Variants in C11orf97 observed in about 807,000 individuals in gnomAD.
The protein encoded by C11orf97 is uncharacterized protein C11orf97.
In C11orf97, 15 loss-of-function variants were observed where a neutral mutation model predicts 16.2. The observed-to-expected ratio is 0.93, with a 90% CI of 0.62 to 1.43. The LOEUF (loss-of-function observed/expected upper bound fraction) is 1.43. Among genes scored for constraint, C11orf97 ranks in the 40% most tolerant of loss-of-function variants. The pLI is 0.00. For synonymous variants in C11orf97, 61 were observed against 65.7 expected (o/e 0.93, Z 0.34); for missense variants, 171 against 161.2 (o/e 1.06, Z -0.33).
chr11:94,526,565 A>G (rs1565254374), intron 2 of C11orf97, among the ~76,000 whole-genome samples: 1 of 152,164 alleles, frequency 6.6e-6, no homozygotes, highest in Non-Finnish European at 1.5e-5. Flanking sequence ...CAAAGTGTCA[A>G]CCACAAGTTC....
intron 2 of C11orf97, among the ~76,000 whole-genome samples, chr11:94,526,442 G>A (rs574541632): frequency 7.9e-5 from 12 of 152,234 alleles, no homozygotes; most frequent in African/African-American, 2.6e-4. Context: ...TCTTGTGATT[G>A]CATCTGAAAG....
chr11:94,512,651 C>T lies in C11orf97; in HGVS notation c.123C>T (p.Gly41=). ...GCGARGEPGR[G]PLEHGQQWKK... ...GGGCGCGCGGGGAACCCGGCCGCGG[C>T]CCCCTAGAGCACGGCCAGCAGTGTG... Residue 41 remains glycine, a synonymous_variant, in exon 1 of 4, where the codon GGC becomes GGT. Transcript: ENST00000542198. The T allele has an allele frequency of 1.6e-6, 2 of 1,247,376 alleles. No homozygotes were observed. Among genetic ancestry groups the T allele is most frequent in the South Asian group, 6.5e-5 (2 of 30,704 alleles). 77.3% of individuals were successfully genotyped at this position (1,247,376 alleles called of 1,614,324 possible).
intron 2 of C11orf97, among the ~76,000 whole-genome samples, chr11:94,519,360 A>T (rs940540884): frequency 1.3e-5 from 2 of 152,242 alleles, no homozygotes; most frequent in African/African-American, 4.8e-5. Flanking sequence ...TAATGAATGG[A>T]TGCAGAATGA....
At chr11:94,515,871 G>T (rs1204286705) in intron 1 of C11orf97, among the ~76,000 whole-genome samples, 1 of 152,052 alleles carries the variant, frequency 6.6e-6, no homozygotes, top group Non-Finnish European at 1.5e-5. Context: ...CCTAGCACCA[G>T]GGCTGAAATT....
At chr11:94,524,089 G>A (rs1947680327) in intron 2 of C11orf97, among the ~76,000 whole-genome samples, 1 of 152,048 alleles carries the variant, frequency 6.6e-6, no homozygotes, top group Admixed American at 6.5e-5. Flanking sequence ...TGATGTTGAT[G>A]TTGGGAATTA....
chr11:94,522,579 G>C (rs547562085), intron 2 of C11orf97, among the ~76,000 whole-genome samples: 1 of 152,104 alleles, frequency 6.6e-6, no homozygotes, highest in South Asian at 2.1e-4. Flanking sequence ...ACCTCTCCCC[G>C]ACTTGCTGCT....
intron 2 of C11orf97, among the ~76,000 whole-genome samples, chr11:94,518,542 C>T (rs1947632028): frequency 6.6e-6 from 1 of 152,178 alleles, no homozygotes; most frequent in Non-Finnish European, 1.5e-5. Context: ...CCAAGGATTT[C>T]ATCCCGTAGA....
At chr11:94,521,326 T>G (rs1331904874) in intron 2 of C11orf97, among the ~76,000 whole-genome samples, 1 of 152,266 alleles carries the variant, frequency 6.6e-6, no homozygotes, top group Non-Finnish European at 1.5e-5. Flanking sequence ...GTAGGAACCC[T>G]ACTTCAAATT....
chr11:94,517,086 T>C (rs745939272), intron 1 of C11orf97, among the ~76,000 whole-genome samples: 1 of 152,240 alleles, frequency 6.6e-6, no homozygotes, highest in African/African-American at 2.4e-5. Context: ...AAAAGTGCTA[T>C]GTCCATAAGT....
chr11:94,517,857 A>G (rs1947623810), intron 2 of C11orf97, among the ~76,000 whole-genome samples, 170 bp downstream of exon 2: 1 of 27,422 alleles, frequency 3.6e-5, no homozygotes, highest in Non-Finnish European at 8.2e-5. Flanking sequence ...TCATGTCTAG[A>G]AAAAAAAATG....
chr11:94,515,706 T>G (rs964926815), intron 1 of C11orf97, among the ~76,000 whole-genome samples: 1 of 151,768 alleles, frequency 6.6e-6, no homozygotes, highest in Non-Finnish European at 1.5e-5. Context: ...CTGGCCAAGT[T>G]TGTGAAACCT....
chr11:94,519,527 A>G (rs1947639940), intron 2 of C11orf97, among the ~76,000 whole-genome samples: 4 of 152,240 alleles, frequency 2.6e-5, no homozygotes, highest in Admixed American at 2.6e-4. Flanking sequence ...ATGTTGTATT[A>G]TTCTTATTGG....
At position 94,517,654 on chromosome 11, in the gene C11orf97, A is replaced by G; in HGVS notation, c.217A>G (p.Arg73Gly). Residue 73 changes from arginine to glycine, a missense_variant, in exon 2 of 4, where the codon AGA (arginine) becomes GGA (glycine). Coordinates refer to ENST00000542198, the MANE Select transcript of C11orf97 (RefSeq NM_001190462.2). ...ACTGGAAGAAGAACGTCATATTAAGAGAGATGAATGCCACATTAAAAATCC... is the reference window on the plus strand; with the variant it reads ...ACTGGAAGAAGAACGTCATATTAAGGGAGATGAATGCCACATTAAAAATCC... ...EVLEEERHIKRDECHIKNPAA... is the reference protein window; with the variant it reads ...EVLEEERHIKGDECHIKNPAA... 6.5e-7 allele frequency: 1 copy of G among 1,531,382 alleles called. No individual in the cohort carries two copies. Among genetic ancestry groups the G allele is most frequent in the South Asian group, 1.2e-5 (1 of 82,548 alleles). 94.9% of individuals were successfully genotyped at this position (1,531,382 alleles called of 1,614,324 possible). A position where few individuals can be genotyped will look rare whatever the true frequency, so the allele number is the denominator to read the frequency against.
rs942415560 is a variant in C11orf97, at chr11:94,523,091, CA to C, written c.251-4987del. On this transcript the variant is annotated intron_variant, in intron 2 of 3. Transcript: ENST00000542198. ...GGTTTTTTCTTCTCATCGTGAAATACAAAAAATTGTTTCTCTTGTATGATGC... is the reference window on the plus strand; with the variant it reads ...GGTTTTTTCTTCTCATCGTGAAATACAAAAATTGTTTCTCTTGTATGATGC... 3.3e-5 allele frequency among the ~76,000 whole-genome samples: 5 copies of C among 152,062 alleles called. No individual in the cohort carries two copies. In the South Asian group the frequency reaches 8.3e-4, roughly 25 times the overall value.
chr11:94,528,024 C>A, intron 2 of C11orf97, 60 bp from the exon 3 acceptor site: 3 of 1,428,956 alleles, frequency 2.1e-6, no homozygotes, highest in South Asian at 2.9e-5. Flanking sequence ...ACTTTAAAAA[C>A]TCTGTGCTAA....
chr11:94,524,336 G>A (rs1947682436), intron 2 of C11orf97, among the ~76,000 whole-genome samples: 2 of 152,196 alleles, frequency 1.3e-5, no homozygotes, highest in Admixed American at 1.3e-4. Flanking sequence ...ATTAGCCATT[G>A]GGTTCTTCTA....
chr11:94,526,541 G>A (rs1339296640), intron 2 of C11orf97, among the ~76,000 whole-genome samples: 2 of 151,996 alleles, frequency 1.3e-5, no homozygotes, highest in Non-Finnish European at 2.9e-5. Flanking sequence ...TGCTTTCCAC[G>A]TACTGGATCT....
intron 1 of C11orf97, among the ~76,000 whole-genome samples, chr11:94,513,441 G>A (rs1947584771): frequency 6.6e-6 from 1 of 152,238 alleles, no homozygotes; most frequent in Admixed American, 6.5e-5. Context: ...GAATGATGGT[G>A]AGAAGAATAA....
rs1947579115 is a variant in C11orf97, at chr11:94,512,687, C to T, written c.145+14C>T. On this transcript the variant is annotated intron_variant, in intron 1 of 3. Coordinates refer to ENST00000542198, the MANE Select transcript of C11orf97 (RefSeq NM_001190462.2). ...ACGGCCAGCAGTGTGAGTTCAGCTCCAGCCGCGGACGCTACTGGGAGGAGG... is the reference window on the plus strand; with the variant it reads ...ACGGCCAGCAGTGTGAGTTCAGCTCTAGCCGCGGACGCTACTGGGAGGAGG... The T allele has an allele frequency of 3.2e-6, 4 of 1,236,576 alleles. No individual in the cohort carries two copies. Among genetic ancestry groups the T allele is most frequent in the Non-Finnish European group, 4.0e-6 (4 of 989,944 alleles). 76.6% of individuals were successfully genotyped at this position (1,236,576 alleles called of 1,614,324 possible).
Sources: allele counts gnomAD v4.1 joint callset (sites outside exome capture counted in the v4.1 genomes callset), GRCh38; gene constraint gnomAD v4.1.1; transcripts MANE v1.5; gene names NCBI Gene and HGNC (gene_info 2026-07-23, HGNC 2026-07-21).